NT5DC3: variants seen among roughly 807,000 people sequenced by gnomAD.
The protein encoded by NT5DC3 is 5'-nucleotidase domain-containing protein 3.
In NT5DC3, 42 loss-of-function variants were observed where a neutral mutation model predicts 67.8. The ratio of observed to expected loss-of-function variants is 0.62; its 90% CI spans 0.48 to 0.80. The LOEUF (loss-of-function observed/expected upper bound fraction) is 0.80. Ranked by LOEUF, NT5DC3 falls within the 30% of genes least tolerant of loss-of-function variation. The pLI is 0.00. For synonymous variants in NT5DC3, 237 were observed against 255.6 expected, an observed-to-expected ratio of 0.93 and a Z score of 0.69; for missense variants, 570 against 696.4, an observed-to-expected ratio of 0.82 and a Z score of 2.04.
intron 2 of NT5DC3, among the ~76,000 whole-genome samples, chr12:103,812,955 GAGA>G (rs1202853219): frequency 6.6e-6 from 1 of 152,196 alleles, no homozygotes; most frequent in African/African-American, 2.4e-5. Context: ...TTTTACAGGG[GAGA>G]AAACTGAGGT....
At chr12:103,788,315 G>A (rs1885884297) in intron 10 of NT5DC3, among the ~76,000 whole-genome samples, 1 of 152,188 alleles carries the variant, frequency 6.6e-6, no homozygotes, top group African/African-American at 2.4e-5. Flanking sequence ...GTGTGGTGGT[G>A]CATGCCTATG....
At chr12:103,752,201 T>C in the NT5DC3 span, among the ~76,000 whole-genome samples, 1 of 152,220 alleles carries the variant, frequency 6.6e-6, no homozygotes, top group Non-Finnish European at 1.5e-5. Flanking sequence ...ATATATCTAA[T>C]AGTAAATGAT....
At chr12:103,768,001 T>C (rs552592169), downstream of NT5DC3, among the ~76,000 whole-genome samples, 21 of 145,160 alleles carry the variant, frequency 1.4e-4, no homozygotes, top group African/African-American at 4.6e-4. Flanking sequence ...GGCAAGAGAA[T>C]AGCTTGAACC....
At chr12:103,840,722 G>A (rs1485447593) in intron 1 of NT5DC3, among the ~76,000 whole-genome samples, 2 of 152,106 alleles carry the variant, frequency 1.3e-5, no homozygotes, top group East Asian at 1.9e-4. Flanking sequence ...TTTCCCGACC[G>A]GGGAAAGGCG....
At chr12:103,806,263 T>C in intron 4 of NT5DC3, 59 bp downstream of exon 4, 1 of 1,109,450 alleles carries the variant, frequency 9.0e-7, no homozygotes, top group South Asian at 1.2e-5. Flanking sequence ...CAGAGGGTCC[T>C]GAAACCCAAA....
chr12:103,838,014 T>C (rs886688457), intron 1 of NT5DC3, among the ~76,000 whole-genome samples: 6 of 152,184 alleles, frequency 3.9e-5, no homozygotes, highest in Admixed American at 1.3e-4. Flanking sequence ...CTTGGACTTA[T>C]AGTTCCACAT....
rs190319876 is a variant in NT5DC3, at chr12:103,778,055, G to A, written c.1421C>T (p.Ala474Val). Residue 474 changes from alanine to valine, a missense_variant, in exon 14 of 14, where the codon GCC becomes GTC. Ala to Val is a moderately conservative substitution (Grantham distance 64). This residue lies in a region of NT5DC3 where 466 missense variants were observed against 608.0 expected (regional missense o/e 0.77). Coordinates refer to ENST00000392876, the MANE Select transcript of NT5DC3 (RefSeq NM_001031701.3). The part of the protein sequence containing the change: ...MREMTKSFFN[A>V]QFGSLFRTDQ... ...TGTGCGGAACAGGCTTCCAAACTGG[G>A]CATTGAAGAAACTCTTGGTCATTTC... 164 of 1,613,194 alleles carry A rather than the reference G, an allele frequency of 1.0e-4. No individual in the cohort carries two copies. The highest frequency in any genetic ancestry group is 1.3e-4 in the Non-Finnish European group (149 of 1,179,590).
chr12:103,797,687 A>G (rs776041689), intron 5 of NT5DC3, among the ~76,000 whole-genome samples: 2 of 152,174 alleles, frequency 1.3e-5, no homozygotes, highest in Non-Finnish European at 2.9e-5. Context: ...ATTATTGCCC[A>G]TAATGACATT....
chr12:103,830,674 A>C (rs1401781082), intron 1 of NT5DC3, among the ~76,000 whole-genome samples: 1 of 152,210 alleles, frequency 6.6e-6, no homozygotes, highest in Non-Finnish European at 1.5e-5. Context: ...CTAAACTTTT[A>C]ATTTTAAAGA....
chr12:103,824,681 G>A (rs7136682), intron 1 of NT5DC3, among the ~76,000 whole-genome samples: 48,745 of 151,924 alleles, frequency 0.32, 8,244 homozygotes, highest in Middle Eastern at 0.41. Flanking sequence ...ATGCTGCAGA[G>A]ACATCTGTGA....
chr12:103,810,051 GGGCAGTGCCT>G (rs68159976), intron 2 of NT5DC3, among the ~76,000 whole-genome samples: 21,596 of 152,132 alleles, frequency 0.14, 1,667 homozygotes, highest in Middle Eastern at 0.28. Flanking sequence ...TGGCAAGTCA[GGGCAGTGCCT>G]GGCACATGGG....
At chr12:103,815,200 A>T in intron 1 of NT5DC3, 79 bp from the exon 2 acceptor site, 1 of 867,720 alleles carries the variant, frequency 1.2e-6, no homozygotes, top group African/African-American at 1.7e-5. Flanking sequence ...AAAAATGAGT[A>T]AACTAGACTA....
chr12:103,755,203 A>G, the NT5DC3 span: 38 of 1,506,906 alleles, frequency 2.5e-5, no homozygotes, highest in East Asian at 4.5e-5. Context: ...GTGAGACTTT[A>G]TGGGTTTTAT....
chr12:103,806,982 T>A, intron 2 of NT5DC3, 53 bp from the exon 3 acceptor site: 1 of 1,065,628 alleles, frequency 9.4e-7, no homozygotes, highest in South Asian at 1.3e-5. Context: ...AAGTGCAGGA[T>A]CCTGTCCAGA....
the NT5DC3 span, among the ~76,000 whole-genome samples, chr12:103,747,651 G>C: frequency 6.6e-6 from 1 of 152,134 alleles, no homozygotes; most frequent in East Asian, 1.9e-4. Flanking sequence ...GGGAAATGTC[G>C]TCTTTTATTG....
At chr12:103,766,315 T>C, downstream of NT5DC3, 1 of 1,613,856 alleles carries the variant, frequency 6.2e-7, no homozygotes. Flanking sequence ...TTGAGGGCAA[T>C]GACCCCTTGA....
At chr12:103,764,159 G>T in the NT5DC3 span, among the ~76,000 whole-genome samples, 1 of 151,976 alleles carries the variant, frequency 6.6e-6, no homozygotes, top group Non-Finnish European at 1.5e-5. Context: ...CTCCATGTTG[G>T]TCAGGCTGGT....
the NT5DC3 span, chr12:103,748,851 G>A: frequency 2.3e-5 from 26 of 1,111,224 alleles, no homozygotes; most frequent in African/African-American, 2.2e-4. Context: ...GAACACGCAG[G>A]GGCCCATTTA....
chr12:103,765,629 T>A (rs1197876896), downstream of NT5DC3, among the ~76,000 whole-genome samples: 1 of 152,178 alleles, frequency 6.6e-6, no homozygotes, highest in Non-Finnish European at 1.5e-5. Flanking sequence ...AGCGGCACCA[T>A]CAGGGCTCAC....
Sources: gnomAD v4.1 joint callset for allele counts (sites outside exome capture counted in the v4.1 genomes callset) on GRCh38, gnomAD v4.1.1 for gene constraint, gnomAD v4.1.1 regional missense constraint, MANE v1.5 for transcripts, NCBI Gene and HGNC (gene_info 2026-07-23, HGNC 2026-07-21) for gene names.